Variants in VWA2 observed in about 807,000 individuals in gnomAD.
VWA2 encodes the protein von Willebrand factor A domain-containing protein 2.
Under a neutral mutation model 70.4 loss-of-function variants are expected in VWA2, and 73 were observed. The observed-to-expected ratio is 1.04, with a 90% confidence interval of 0.86 to 1.26. VWA2 has a LOEUF of 1.26. Ranked by LOEUF, VWA2 falls within the 50% of genes most tolerant of loss-of-function variation. The pLI is 0.00. For synonymous variants in VWA2, 407 were observed against 423.3 expected (o/e 0.96, Z 0.47); for missense variants, 1,011 against 998.5 (o/e 1.01, Z -0.17).
At chr10:114,258,742 G>C (rs1378578412) in intron 4 of VWA2, among the ~76,000 whole-genome samples, 2 of 152,166 alleles carry the variant, frequency 1.3e-5, no homozygotes, top group Non-Finnish European at 2.9e-5. Context: ...CCCTCAACTT[G>C]TGTTCTTGAG....
Position 114,284,941 on chromosome 10 carries a change from C to A in VWA2, c.968C>A (p.Pro323Gln). 6.2e-7 allele frequency: 1 copy of A among 1,603,642 alleles called. No homozygotes were observed. The highest frequency in any genetic ancestry group is 8.5e-7 in the Non-Finnish European group (1 of 1,176,110). The change falls in exon 10 of 14, where the codon CCG (proline) becomes CAG (glutamine). Residue 323 changes from proline to glutamine, a missense_variant. Coordinates refer to ENST00000392982, the MANE Select transcript of VWA2 (RefSeq NM_001272046.2). ...CTGGACGGCTACCAGTGCCTCTGCC[C>A]GCTGGCCTTTGGAGGGGAGGCTAAC... The part of the protein sequence containing the change: ...EGLDGYQCLC[P>Q]LAFGGEANCA...
Position 114,286,294 on chromosome 10 carries a change from GCTCA to G in VWA2, c.1356_1359del (p.Thr453SerfsTer25). On this transcript the variant is annotated frameshift_variant, in exon 11 of 14. Transcript: ENST00000392982. LOFTEE classifies it high-confidence loss of function. ...ACCGGCCACGTAGAGTGGTGGTTTT[GCTCA>G]CTGAGTCACACTCCGAGGATGAGGT... 1.2e-6 allele frequency: 2 copies of G among 1,610,160 alleles called. No homozygotes were observed. Among genetic ancestry groups the G allele is most frequent in the Non-Finnish European group, 1.7e-6 (2 of 1,177,320 alleles).
At chr10:114,262,070 T>C (rs2037456019) in intron 5 of VWA2, among the ~76,000 whole-genome samples, 1 of 152,084 alleles carries the variant, frequency 6.6e-6, no homozygotes, top group African/African-American at 2.4e-5. Context: ...GCTACGCCAT[T>C]CAGGAGGGAT....
rs747729247 is a variant in VWA2 at position 114,286,198 on chromosome 10, C to A, written c.1257C>A (p.Pro419=). The A allele has an allele frequency of 3.2e-5, 52 of 1,613,902 alleles. No homozygotes were observed. The highest frequency in any genetic ancestry group is 8.5e-7 in the Non-Finnish European group (1 of 1,180,008). Residue 419 remains proline, a synonymous_variant, in exon 11 of 14, where the codon CCC becomes CCA. Coordinates refer to ENST00000392982, the MANE Select transcript of VWA2 (RefSeq NM_001272046.2). ...ATGGCATTCCCTTCCGTGGTGGCCC[C>A]ACCCTGACGGGCAGTGCCTTGCGGC... ...SLDGIPFRGG[P]TLTGSALRQA... is the part of the protein sequence containing the mutation.
intron 4 of VWA2, among the ~76,000 whole-genome samples, chr10:114,256,822 A>T (rs2037338707): frequency 6.6e-6 from 1 of 151,076 alleles, no homozygotes; most frequent in Non-Finnish European, 1.5e-5. Flanking sequence ...AGGCAGGAAA[A>T]TCGCTTGAAC....
intron 8 of VWA2, among the ~76,000 whole-genome samples, chr10:114,279,285 G>A (rs558113072): frequency 2.6e-5 from 4 of 152,204 alleles, no homozygotes; most frequent in African/African-American, 4.8e-5. Context: ...CTTTGGGATT[G>A]GAGCCCAGGC....
At chr10:114,253,937 G>C (rs994695842) in intron 3 of VWA2, among the ~76,000 whole-genome samples, 3 of 151,886 alleles carry the variant, frequency 2.0e-5, no homozygotes, top group Non-Finnish European at 4.4e-5. Flanking sequence ...AGCTACTCGG[G>C]AGGCTGAGGC....
At chr10:114,282,443 T>C in intron 8 of VWA2, 73 bp from the exon 9 acceptor site, 11 of 1,224,928 alleles carry the variant, frequency 9.0e-6, no homozygotes, top group Non-Finnish European at 1.3e-5. Context: ...TTTGGTGTTG[T>C]AAATCATCTT....
At chr10:114,254,825 C>A in intron 3 of VWA2, 90 bp from the exon 4 acceptor site, 1 of 1,538,212 alleles carries the variant, frequency 6.5e-7, no homozygotes, top group Non-Finnish European at 8.8e-7. Context: ...AGCAGCCTGG[C>A]CCACCACAAG....
intron 2 of VWA2, among the ~76,000 whole-genome samples, chr10:114,249,301 G>C (rs1270394810): frequency 6.6e-6 from 1 of 152,072 alleles, no homozygotes; most frequent in African/African-American, 2.4e-5. Flanking sequence ...CTGTCACCCA[G>C]ACTGGAGTGC....
chr10:114,255,750 G>T (rs2133310785), intron 4 of VWA2, among the ~76,000 whole-genome samples: 1 of 150,044 alleles, frequency 6.7e-6, no homozygotes, highest in East Asian at 1.9e-4. Flanking sequence ...GGTAGCTGTG[G>T]CTCTTATTTC....
At chr10:114,265,053 G>A (rs1267935086) in intron 5 of VWA2, among the ~76,000 whole-genome samples, 1 of 152,318 alleles carries the variant, frequency 6.6e-6, no homozygotes, top group Admixed American at 6.5e-5. Flanking sequence ...TCTAGAATAG[G>A]CAAATACATG....
At chr10:114,258,838 G>A (rs1244023801) in intron 4 of VWA2, among the ~76,000 whole-genome samples, 2 of 152,054 alleles carry the variant, frequency 1.3e-5, no homozygotes, top group African/African-American at 4.8e-5. Context: ...GTAGCCTACC[G>A]TACACATTAT....
At position 114,293,885 on chromosome 10, in the gene VWA2, A is replaced by G. The variant is rs987914573; in HGVS notation, c.*2648A>G. Among the ~76,000 whole-genome samples the G allele has an allele frequency of 6.6e-6, 1 of 152,158 alleles. No individual in the cohort carries two copies. Among genetic ancestry groups the G allele is most frequent in the Admixed American group, 6.6e-5 (1 of 15,262 alleles). ...CCTGGGACCTCCAGAATAATGTTTC[A>G]TGAAGTAGCATGTATCCATATCTGG... On this transcript the variant is annotated 3_prime_UTR_variant, in exon 14 of 14. Coordinates refer to ENST00000392982, the MANE Select transcript of VWA2 (RefSeq NM_001272046.2).
chr10:114,286,338 G>A lies in VWA2; in HGVS notation c.1397G>A (p.Arg466His), dbSNP rs146262074. 72 of 1,613,156 alleles carry A rather than the reference G, an allele frequency of 4.5e-5. No homozygotes were observed. The highest frequency in any genetic ancestry group is 1.1e-4 in the African/African-American group (8 of 74,954). ...GAGGATGAGGTTGCGGGCCCAGCGC[G>A]TCACGCAAGGGCGCGAGAGCTGCTC... The part of the protein sequence containing the change: ...HSEDEVAGPA[R>H]HARARELLLL... The change falls in exon 11 of 14, where the codon CGT becomes CAT. Residue 466 changes from arginine to histidine, a missense_variant. By Grantham distance (29) the Arg-to-His change is conservative. Coordinates refer to ENST00000392982, the MANE Select transcript of VWA2 (RefSeq NM_001272046.2).
At chr10:114,257,556 G>T (rs968059857) in intron 4 of VWA2, among the ~76,000 whole-genome samples, 1 of 152,210 alleles carries the variant, frequency 6.6e-6, no homozygotes. Context: ...AACCTCAGGA[G>T]AGAGTTAAGT....
intron 5 of VWA2, among the ~76,000 whole-genome samples, chr10:114,266,911 A>T (rs1400100266): frequency 6.6e-6 from 1 of 151,726 alleles, no homozygotes; most frequent in Non-Finnish European, 1.5e-5. Context: ...TTTCCCCCTT[A>T]ATATTATTTG....
rs1389918866 is a variant in VWA2 at position 114,293,792 on chromosome 10, A to G, written c.*2555A>G. Among the ~76,000 whole-genome samples the G allele has an allele frequency of 1.3e-5, 2 of 152,166 alleles. No individual in the cohort carries two copies. The highest frequency in any genetic ancestry group is 1.9e-4 in the East Asian group (1 of 5,200). On this transcript the variant is annotated 3_prime_UTR_variant, in exon 14 of 14. Transcript: ENST00000392982. ...TTGCTTTTCTAGAGAAATATTTCCA[A>G]ATGATGCTAGTTTTGTCTCTTCCTT...
intron 1 of VWA2, among the ~76,000 whole-genome samples, chr10:114,246,925 C>G (rs1329244126): frequency 6.6e-6 from 1 of 152,182 alleles, no homozygotes; most frequent in East Asian, 1.9e-4. Flanking sequence ...GTGAAAGTAG[C>G]CACAAGAATT....
Sources: allele counts gnomAD v4.1 joint callset (sites outside exome capture counted in the v4.1 genomes callset), GRCh38; gene constraint gnomAD v4.1.1; transcripts MANE v1.5; gene names NCBI Gene and HGNC (gene_info 2026-07-23, HGNC 2026-07-21).